CLYBL: variants seen among roughly 807,000 people sequenced by gnomAD.
CLYBL encodes citramalyl-CoA lyase.
CLYBL carries 31 observed loss-of-function variants against 38.9 expected under a neutral mutation model. That is an observed-to-expected ratio of 0.80 (90% CI 0.60 to 1.08). The LOEUF (loss-of-function observed/expected upper bound fraction) is 1.08, where lower values mean the gene tolerates loss of function less well. Ranked by LOEUF, CLYBL falls within the 50% of genes least tolerant of loss-of-function variation. CLYBL has a pLI of 0.00. For missense variants in CLYBL, 434 were observed against 411.6 expected (o/e 1.05, Z -0.47); for synonymous variants, 171 against 158.6 (o/e 1.08, Z -0.59).
At chr13:99,771,020 C>CTTTTTTTTTTTTT (rs546998940) in intron 1 of CLYBL, among the ~76,000 whole-genome samples, 4 of 120,240 alleles carry the variant, frequency 3.3e-5, no homozygotes, top group African/African-American at 1.1e-4. Flanking sequence ...ACGCGGGGCC[C>CTTTTTTTTTTTTT]TTTTTTTTTT....
intron 1 of CLYBL, among the ~76,000 whole-genome samples, chr13:99,768,714 T>C (rs2049323641): frequency 6.6e-6 from 1 of 151,878 alleles, no homozygotes; most frequent in Admixed American, 6.6e-5. Flanking sequence ...TGTTTCACCA[T>C]GTTGGCTAGG....
At chr13:99,664,210 G>A (rs1036373288) in intron 1 of CLYBL, among the ~76,000 whole-genome samples, 1 of 152,156 alleles carries the variant, frequency 6.6e-6, no homozygotes, top group Non-Finnish European at 1.5e-5. Context: ...AAGTTTTCCT[G>A]TGTTCTTAGT....
intron 2 of CLYBL, among the ~76,000 whole-genome samples, chr13:99,806,923 C>A (rs1566334906): frequency 6.6e-6 from 1 of 152,210 alleles, no homozygotes; most frequent in East Asian, 1.9e-4. Flanking sequence ...ATTTTAACTC[C>A]AGATGGCTGT....
At chr13:99,783,247 T>G (rs1190142991) in intron 2 of CLYBL, among the ~76,000 whole-genome samples, 1 of 152,106 alleles carries the variant, frequency 6.6e-6, no homozygotes, top group Non-Finnish European at 1.5e-5. Context: ...TTCACCATGT[T>G]GGCCAGGCTG....
intron 1 of CLYBL, among the ~76,000 whole-genome samples, chr13:99,742,855 G>A (rs2048779883): frequency 6.6e-6 from 1 of 152,084 alleles, no homozygotes; most frequent in African/African-American, 2.4e-5. Context: ...GGACTGTTTG[G>A]TTTGGAAAAC....
intron 7 of CLYBL, among the ~76,000 whole-genome samples, chr13:99,871,485 A>G (rs2051896885): frequency 6.6e-6 from 1 of 152,196 alleles, no homozygotes; most frequent in Non-Finnish European, 1.5e-5. Context: ...TTTGGGGGGA[A>G]AAAAGTACAG....
chr13:99,725,249 G>A (rs2048453603), intron 1 of CLYBL, among the ~76,000 whole-genome samples: 2 of 152,192 alleles, frequency 1.3e-5, no homozygotes, highest in African/African-American at 4.8e-5. Context: ...AAGAAGAGAA[G>A]ACCGAACAGT....
At chr13:99,693,029 T>C (rs1183443760) in intron 1 of CLYBL, among the ~76,000 whole-genome samples, 1 of 152,196 alleles carries the variant, frequency 6.6e-6, no homozygotes, top group East Asian at 1.9e-4. Context: ...CTATGAACAT[T>C]TGTGTACAAG....
intron 2 of CLYBL, among the ~76,000 whole-genome samples, chr13:99,848,100 C>T (rs1343426712): frequency 1.3e-5 from 2 of 152,130 alleles, no homozygotes; most frequent in South Asian, 2.1e-4. Flanking sequence ...CCATTTCTGG[C>T]TCTCTCACCT....
At chr13:99,665,876 C>T (rs1049722863) in intron 1 of CLYBL, among the ~76,000 whole-genome samples, 9 of 152,192 alleles carry the variant, frequency 5.9e-5, no homozygotes, top group African/African-American at 1.4e-4. Context: ...ATGGAATTCG[C>T]GCCACCCTGA....
intron 1 of CLYBL, among the ~76,000 whole-genome samples, chr13:99,737,577 GC>G (rs2048687989): frequency 6.6e-6 from 1 of 152,146 alleles, no homozygotes; most frequent in African/African-American, 2.4e-5. Flanking sequence ...TTTGGAGCTG[GC>G]GAGTCTGGGG....
At chr13:99,828,334 G>A (rs2050737736) in intron 2 of CLYBL, among the ~76,000 whole-genome samples, 1 of 152,230 alleles carries the variant, frequency 6.6e-6, no homozygotes, top group South Asian at 2.1e-4. Context: ...AGTCAGTGAT[G>A]AAAGCCTGTG....
At chr13:99,842,913 A>G (rs921934507) in intron 2 of CLYBL, among the ~76,000 whole-genome samples, 26 of 151,962 alleles carry the variant, frequency 1.7e-4, no homozygotes, top group Non-Finnish European at 2.8e-4. Flanking sequence ...GCAAAACCCT[A>G]TCCCTTTGCG....
At chr13:99,709,105 G>C (rs1243745120) in intron 1 of CLYBL, among the ~76,000 whole-genome samples, 1 of 151,224 alleles carries the variant, frequency 6.6e-6, no homozygotes, top group African/African-American at 2.4e-5. Flanking sequence ...AAAAAAGAAA[G>C]AAAAAAAAGG....
At chr13:99,649,883 AG>A (rs1440482691) in intron 1 of CLYBL, among the ~76,000 whole-genome samples, 1 of 150,978 alleles carries the variant, frequency 6.6e-6, no homozygotes, top group Admixed American at 6.6e-5. Flanking sequence ...AAAAAAAAAA[AG>A]TTATATGATG....
chr13:99,700,391 C>T (rs2048046702), intron 1 of CLYBL, among the ~76,000 whole-genome samples: 1 of 152,116 alleles, frequency 6.6e-6, no homozygotes, highest in Non-Finnish European at 1.5e-5. Context: ...TTGCGGTGAG[C>T]GGAGATCGCA....
At chr13:99,894,913 GT>G (rs1446412537), downstream of CLYBL, 1 of 152,178 alleles carries the variant, frequency 6.6e-6, no homozygotes. Context: ...AAGTTAGGAA[GT>G]TTCTCGGCAT....
At chr13:99,757,038 A>G (rs1229621281) in intron 1 of CLYBL, among the ~76,000 whole-genome samples, 1 of 151,926 alleles carries the variant, frequency 6.6e-6, no homozygotes, top group Non-Finnish European at 1.5e-5. Context: ...TGGGGACCAT[A>G]AGCTTGCACC....
intron 7 of CLYBL, among the ~76,000 whole-genome samples, chr13:99,886,927 C>T (rs985567463): frequency 1.3e-5 from 2 of 152,138 alleles, no homozygotes; most frequent in Admixed American, 1.3e-4. Context: ...GGGCCTGGCA[C>T]AAGGGAGCTG....
Sources: gnomAD v4.1 joint callset for allele counts (sites outside exome capture counted in the v4.1 genomes callset) on GRCh38, gnomAD v4.1.1 for gene constraint, MANE v1.5 for transcripts, NCBI Gene and HGNC (gene_info 2026-07-23, HGNC 2026-07-21) for gene names.